HMCN1: variants seen among roughly 807,000 people sequenced by gnomAD.
HMCN1 encodes hemicentin 1, also known as hemicentin-1.
Under a neutral mutation model 625.9 loss-of-function variants are expected in HMCN1, and 321 were observed. That is an observed-to-expected ratio of 0.51 (90% CI 0.47 to 0.56). The LOEUF is 0.56. HMCN1 is among the 20% of genes least tolerant of loss of function. The probability of loss-of-function intolerance (pLI) is 0.00; values close to 1 mark genes in which losing one functional copy is unlikely to be tolerated. For missense variants in HMCN1, 6,588 were observed against 6,887.3 expected, an observed-to-expected ratio of 0.96 and a Z score of 1.54; for synonymous variants, 2,425 against 2,417.6, an observed-to-expected ratio of 1.00 and a Z score of -0.09.
At position 186,115,250 on chromosome 1, in the gene HMCN1, T is replaced by C; in HGVS notation, c.11405-8T>C. On this transcript the variant is annotated splice_region_variant and splice_polypyrimidine_tract_variant and intron_variant, in intron 74 of 106. Coordinates refer to ENST00000271588, the MANE Select transcript of HMCN1 (RefSeq NM_031935.3). The stretch of plus-strand genomic sequence containing the variant: ...GTGTTTCCTTCTTATTTGGTGACAT[T>C]GTCTTAGTTCCTCCATCTATTGCTC... 6.2e-7 allele frequency: 1 copy of C among 1,613,962 alleles called. No homozygotes were observed. The highest frequency in any genetic ancestry group is 8.5e-7 in the Non-Finnish European group (1 of 1,179,884).
chr1:185,870,036 TA>T (rs1553252271), intron 4 of HMCN1, among the ~76,000 whole-genome samples: 2,321 of 149,084 alleles, frequency 0.016, 66 homozygotes, highest in African/African-American at 0.053. Flanking sequence ...TTTTTTTTTT[TA>T]AAAAAAAACA....
chr1:186,134,996 G>T (rs956107982), intron 86 of HMCN1, among the ~76,000 whole-genome samples: 2 of 152,108 alleles, frequency 1.3e-5, no homozygotes, highest in South Asian at 4.1e-4. Flanking sequence ...TCTTGAAAAA[G>T]AAAAAGAGCT....
rs142879392 is a variant in HMCN1 at position 186,055,455 on chromosome 1, A to G, written c.6925A>G (p.Ser2309Gly). 3.1e-6 allele frequency: 5 copies of G among 1,612,612 alleles called. No individual in the cohort carries two copies. The African/African-American group carries it at 5.3e-5, about 17-fold the overall frequency. ...PTEIIVTRGK[S>G]ISLECEVQGI... is the part of the protein sequence containing the mutation. ...TGAAATTATTGTGACCCGAGGGAAG[A>G]GTATCTCCTTGGAGTGTGAGGTGCA... The change falls in exon 45 of 107, where the codon AGT becomes GGT. Residue 2309 changes from serine to glycine, a missense_variant. By Grantham distance (56) the Ser-to-Gly change is moderately conservative (BLOSUM62 0). This residue lies in a region of HMCN1 where 4,628 missense variants were observed against 4,853.1 expected (regional missense o/e 0.95). Coordinates refer to ENST00000271588, the MANE Select transcript of HMCN1 (RefSeq NM_031935.3).
intron 1 of HMCN1, among the ~76,000 whole-genome samples, chr1:185,740,208 A>C (rs1043620490): frequency 1.1e-4 from 16 of 152,204 alleles, no homozygotes; most frequent in African/African-American, 3.9e-4. Context: ...AAGTGACGTG[A>C]TCTGACTTAT....
intron 82 of HMCN1, among the ~76,000 whole-genome samples, chr1:186,126,391 A>G (rs1661647365): frequency 6.6e-6 from 1 of 152,152 alleles, no homozygotes; most frequent in Admixed American, 6.6e-5. Flanking sequence ...GCCCTCATGG[A>G]GTTTATATCT....
intron 60 of HMCN1, 43 bp from the exon 61 acceptor site, chr1:186,087,889 T>C (rs367758871): frequency 4.6e-6 from 7 of 1,531,112 alleles, no homozygotes; most frequent in African/African-American, 4.1e-5. Context: ...ATTGGTCATC[T>C]ATAACTTAAT....
In HMCN1 at chr1:185,761,825, TA is replaced by T. The variant is rs199635174; in HGVS notation, c.268+26781del. Reference sequence around the variant, plus strand: ...ACAATTTATCCTTGGTTTCTGACCATAAATTTTTAGATTAATTTTTAAGATT... The same window carrying T: ...ACAATTTATCCTTGGTTTCTGACCATAATTTTTAGATTAATTTTTAAGATT... On this transcript the variant is annotated intron_variant, in intron 1 of 106. Transcript: ENST00000271588. 9.1e-3 allele frequency among the ~76,000 whole-genome samples: 1,373 copies of T among 151,314 alleles called. 13 individuals carry two copies. Among genetic ancestry groups the T allele is most frequent in the Middle Eastern group, 0.027 (8 of 294 alleles).
intron 100 of HMCN1, among the ~76,000 whole-genome samples, chr1:186,168,780 A>C (rs1292989095): frequency 6.6e-6 from 1 of 151,624 alleles, no homozygotes; most frequent in East Asian, 1.9e-4. Flanking sequence ...TTTTTTTATT[A>C]TACTTTAAGT....
At chr1:185,864,326 T>C in intron 2 of HMCN1, 144 bp from the exon 3 acceptor site, 1 of 743,554 alleles carries the variant, frequency 1.3e-6, no homozygotes, top group South Asian at 1.6e-5. Context: ...ATATCTTCCA[T>C]CCCTTCTTGA....
chr1:185,974,466 C>T (rs1199351374), intron 15 of HMCN1, among the ~76,000 whole-genome samples: 1 of 152,100 alleles, frequency 6.6e-6, no homozygotes, highest in Non-Finnish European at 1.5e-5. Context: ...TTTTCTCAAG[C>T]TTAGAGTTGC....
chr1:185,799,211 G>A (rs1658615855), intron 1 of HMCN1, among the ~76,000 whole-genome samples: 1 of 152,206 alleles, frequency 6.6e-6, no homozygotes, highest in South Asian at 2.1e-4. Context: ...CTGCATGTGT[G>A]CAGGCTCATA....
At chr1:185,951,574 C>G (rs977020708) in intron 11 of HMCN1, among the ~76,000 whole-genome samples, 1 of 151,136 alleles carries the variant, frequency 6.6e-6, no homozygotes, top group African/African-American at 2.4e-5. Context: ...GCCGCTAAGC[C>G]GAGAAGATCT....
intron 100 of HMCN1, among the ~76,000 whole-genome samples, chr1:186,168,161 A>G (rs540276036): frequency 4.6e-5 from 7 of 151,322 alleles, no homozygotes; most frequent in Admixed American, 1.3e-4. Flanking sequence ...GCTGCAGAAG[A>G]AATATATTAT....
At chr1:185,878,514 T>G (rs1472710125) in intron 4 of HMCN1, among the ~76,000 whole-genome samples, 4 of 152,194 alleles carry the variant, frequency 2.6e-5, no homozygotes, top group Non-Finnish European at 5.9e-5. Context: ...GTTTTTGTTT[T>G]TAATTCTGTT....
chr1:186,156,334 A>G (rs1571431864), intron 97 of HMCN1, among the ~76,000 whole-genome samples: 1 of 152,206 alleles, frequency 6.6e-6, no homozygotes, highest in African/African-American at 2.4e-5. Flanking sequence ...ATACATACAA[A>G]GGCGCTTCAA....
chr1:186,001,762 A>G, intron 28 of HMCN1, 21 bp downstream of exon 28: 3 of 1,598,668 alleles, frequency 1.9e-6, no homozygotes, highest in Non-Finnish European at 2.6e-6. Context: ...CATCCTTTTA[A>G]AAAACTACAA....
intron 15 of HMCN1, among the ~76,000 whole-genome samples, chr1:185,973,929 A>C (rs1360704829): frequency 6.6e-6 from 1 of 152,200 alleles, no homozygotes; most frequent in Non-Finnish European, 1.5e-5. Flanking sequence ...TTAGGAAAGA[A>C]AATCTCTGAC....
intron 9 of HMCN1, among the ~76,000 whole-genome samples, chr1:185,926,809 G>GGGAT (rs1488067144): frequency 6.6e-6 from 1 of 152,150 alleles, no homozygotes; most frequent in African/African-American, 2.4e-5. Flanking sequence ...TGGTCACCAG[G>GGGAT]GGATGTAAGA....
chr1:186,182,348 A>G, intron 105 of HMCN1, 61 bp downstream of exon 105: 4 of 1,603,636 alleles, frequency 2.5e-6, no homozygotes, highest in South Asian at 2.2e-5. Flanking sequence ...AGAGAGTGTG[A>G]GAAGTTTTTT....
Sources: gnomAD v4.1 joint callset for allele counts (sites outside exome capture counted in the v4.1 genomes callset) on GRCh38, gnomAD v4.1.1 for gene constraint, gnomAD v4.1.1 regional missense constraint, MANE v1.5 for transcripts, NCBI Gene and HGNC (gene_info 2026-07-23, HGNC 2026-07-21) for gene names.